SLMAP: variants seen among roughly 807,000 people sequenced by gnomAD.
SLMAP encodes sarcolemmal membrane-associated protein.
Under a neutral mutation model 128.8 loss-of-function variants are expected in SLMAP, and 44 were observed. The observed-to-expected ratio is 0.34, with a 90% CI of 0.27 to 0.44. The LOEUF (loss-of-function observed/expected upper bound fraction) is 0.44. SLMAP is among the 20% of genes least tolerant of loss of function. SLMAP has a pLI of 1.00. For missense variants in SLMAP, 787 were observed against 985.3 expected, an observed-to-expected ratio of 0.80 and a Z score of 2.69; for synonymous variants, 327 against 348.8, an observed-to-expected ratio of 0.94 and a Z score of 0.70.
chr3:57,805,399 A>G (rs2089605279), intron 2 of SLMAP, among the ~76,000 whole-genome samples: 1 of 152,150 alleles, frequency 6.6e-6, no homozygotes, highest in Non-Finnish European at 1.5e-5. Flanking sequence ...AACATATCCA[A>G]AACTGAAGTG....
intron 2 of SLMAP, among the ~76,000 whole-genome samples, chr3:57,775,330 C>A (rs1453018445): frequency 6.6e-6 from 1 of 151,802 alleles, no homozygotes; most frequent in East Asian, 1.9e-4. Context: ...GCGTGGGCCA[C>A]CGCGCCCGGC....
chr3:57,896,955 C>T (rs2096258216), intron 17 of SLMAP, 23 bp downstream of exon 17: 2 of 1,612,848 alleles, frequency 1.2e-6, no homozygotes, highest in East Asian at 2.2e-5. Context: ...GTTTTTATGA[C>T]ATCGTAAACC....
chr3:57,841,295 C>T lies in SLMAP; in HGVS notation c.347-4C>T. The T allele has an allele frequency of 6.3e-7, 1 of 1,575,748 alleles. No individual in the cohort carries two copies. Among genetic ancestry groups the T allele is most frequent in the Non-Finnish European group, 8.7e-7 (1 of 1,154,212 alleles). On this transcript the variant is annotated splice_region_variant and splice_polypyrimidine_tract_variant and intron_variant, in intron 3 of 24. Transcript: ENST00000671191. Reference sequence around the variant, plus strand: ...CATCCATATTATTTGTTTGTTTCAACCAGTTACCCATGGGTGTATTGTTTC... The same window carrying T: ...CATCCATATTATTTGTTTGTTTCAATCAGTTACCCATGGGTGTATTGTTTC...
At chr3:57,791,033 G>T (rs1415878353) in intron 2 of SLMAP, among the ~76,000 whole-genome samples, 1 of 152,098 alleles carries the variant, frequency 6.6e-6, no homozygotes, top group African/African-American at 2.4e-5. Flanking sequence ...ATGAGTTTTA[G>T]CCCAGTATAA....
chr3:57,805,422 T>G (rs1395345789), intron 2 of SLMAP, among the ~76,000 whole-genome samples: 1 of 152,204 alleles, frequency 6.6e-6, no homozygotes, highest in African/African-American at 2.4e-5. Context: ...TCATTCACTA[T>G]CCACCATTGC....
intron 2 of SLMAP, among the ~76,000 whole-genome samples, chr3:57,785,754 T>C (rs1024002650): frequency 1.3e-5 from 2 of 152,222 alleles, no homozygotes; most frequent in African/African-American, 2.4e-5. Context: ...TTGGTAAATA[T>C]ATTCCTGAAA....
intron 3 of SLMAP, among the ~76,000 whole-genome samples, chr3:57,832,343 C>G (rs1346082619): frequency 6.6e-6 from 1 of 152,184 alleles, no homozygotes; most frequent in South Asian, 2.1e-4. Context: ...TAGAGGTAGG[C>G]AGCTAATAGT....
chr3:57,809,028 C>G (rs1252797593), intron 2 of SLMAP, among the ~76,000 whole-genome samples: 1 of 152,128 alleles, frequency 6.6e-6, no homozygotes, highest in East Asian at 1.9e-4. Flanking sequence ...TTTGTCATGA[C>G]TATGGACCCT....
intron 19 of SLMAP, among the ~76,000 whole-genome samples, chr3:57,909,632 G>A (rs1385104572): frequency 1.3e-5 from 2 of 151,902 alleles, no homozygotes; most frequent in Non-Finnish European, 2.9e-5. Flanking sequence ...TTGTTTTTGA[G>A]ACAGAGTTTC....
At chr3:57,920,577 G>T (rs1473750929) in intron 22 of SLMAP, among the ~76,000 whole-genome samples, 2 of 152,118 alleles carry the variant, frequency 1.3e-5, no homozygotes, top group African/African-American at 4.8e-5. Context: ...AGAATTTCTA[G>T]GATATAAGTA....
At chr3:57,764,123 C>A (rs2079191448) in intron 2 of SLMAP, among the ~76,000 whole-genome samples, 1 of 152,112 alleles carries the variant, frequency 6.6e-6, no homozygotes, top group Admixed American at 6.6e-5. Flanking sequence ...AAGTGCCTTG[C>A]TTACCAAGCT....
At chr3:57,819,588 G>A (rs1157659533) in intron 2 of SLMAP, among the ~76,000 whole-genome samples, 2 of 151,960 alleles carry the variant, frequency 1.3e-5, no homozygotes, top group Non-Finnish European at 2.9e-5. Context: ...CTTAATGACT[G>A]TATAGATCAA....
At chr3:57,867,044 G>A (rs940381626) in intron 13 of SLMAP, among the ~76,000 whole-genome samples, 1 of 152,104 alleles carries the variant, frequency 6.6e-6, no homozygotes, top group Non-Finnish European at 1.5e-5. Flanking sequence ...TGGGCGTGGT[G>A]GCACGCTACT....
chr3:57,847,181 A>T lies in SLMAP; in HGVS notation c.420-16A>T, dbSNP rs2153574252. The T allele has an allele frequency of 1.3e-6, 2 of 1,577,382 alleles. No homozygotes were observed. Among genetic ancestry groups the T allele is most frequent in the Non-Finnish European group, 8.7e-7 (1 of 1,153,092 alleles). ...TGTCCGGATATTAGATAAAACTTCT[A>T]AATTTTACTTTTCAGTGTCATCCAT... On this transcript the variant is annotated splice_polypyrimidine_tract_variant and intron_variant, in intron 4 of 24. Transcript: ENST00000671191.
At chr3:57,858,886 G>A (rs1577838398) in intron 8 of SLMAP, among the ~76,000 whole-genome samples, 1 of 152,162 alleles carries the variant, frequency 6.6e-6, no homozygotes. Flanking sequence ...AGGTTGCAGT[G>A]AGCCAAGATC....
intron 17 of SLMAP, chr3:57,900,226 AT>A (rs1276260187): frequency 2.0e-5 from 3 of 152,026 alleles, no homozygotes; most frequent in Non-Finnish European, 2.9e-5. Context: ...TTTTCTTTAG[AT>A]TTATTGTGTA....
At chr3:57,778,836 C>T (rs957797635) in intron 2 of SLMAP, among the ~76,000 whole-genome samples, 12 of 152,048 alleles carry the variant, frequency 7.9e-5, no homozygotes, top group African/African-American at 2.9e-4. Context: ...TTAAGGCTTT[C>T]TTCTCTTCTA....
Position 57,890,048 on chromosome 3 carries a change from G to A in SLMAP, c.1308G>A (p.Leu436=), listed in dbSNP as rs778928829. 1 of 1,612,732 alleles carries A rather than the reference G, an allele frequency of 6.2e-7. No individual in the cohort carries two copies. The highest frequency in any genetic ancestry group is 8.5e-7 in the Non-Finnish European group (1 of 1,178,728). The change falls in exon 15 of 25, where the codon CTG becomes CTA. Residue 436 remains leucine (L), a synonymous_variant. Transcript: ENST00000671191. ...IHQFIECQKK[L]IVEGHLTKAV... Reference sequence around the variant, plus strand: ...GTTTATTTTCCTTGGCAGAGAAGCTGATCGTCGAAGGGCATCTAACCAAAG... The same window carrying A: ...GTTTATTTTCCTTGGCAGAGAAGCTAATCGTCGAAGGGCATCTAACCAAAG...
intron 3 of SLMAP, among the ~76,000 whole-genome samples, chr3:57,834,727 C>G (rs997013870): frequency 6.6e-6 from 1 of 151,922 alleles, no homozygotes; most frequent in Non-Finnish European, 1.5e-5. Context: ...TTTAAAGAAC[C>G]TAGCATATCA....
Sources: gnomAD v4.1 joint callset for allele counts (sites outside exome capture counted in the v4.1 genomes callset) on GRCh38, gnomAD v4.1.1 for gene constraint, MANE v1.5 for transcripts, NCBI Gene and HGNC (gene_info 2026-07-23, HGNC 2026-07-21) for gene names.